SCN1A: variants seen among roughly 807,000 people sequenced by gnomAD.
SCN1A encodes the protein sodium channel protein type 1 subunit alpha.
In SCN1A, 13 loss-of-function variants were observed where a neutral mutation model predicts 193.7. The ratio of observed to expected loss-of-function variants is 0.07; its 90% CI spans 0.04 to 0.11. The LOEUF (loss-of-function observed/expected upper bound fraction) is 0.11, where lower values mean the gene tolerates loss of function less well. Ranked by LOEUF, SCN1A falls within the 10% of genes least tolerant of loss-of-function variation. The probability of loss-of-function intolerance (pLI) is 1.00; values close to 1 mark genes in which losing one functional copy is unlikely to be tolerated. For synonymous variants in SCN1A, 781 were observed against 843.6 expected (o/e 0.93, Z 1.29); for missense variants, 1,432 against 2,451.1 (o/e 0.58, Z 8.78).
At position 165,989,998 on chromosome 2, in the gene SCN1A, G is replaced by C. The variant is rs1688919977; in HGVS notation, c.*1247C>G. On this transcript the variant is annotated 3_prime_UTR_variant, in exon 29 of 29. Transcript: ENST00000674923. Reference sequence around the variant, plus strand: ...TTAATGACTTAAATAAATGAGATCTGTTGAACAATTTCCTTGACTTTACCA... The same window carrying C: ...TTAATGACTTAAATAAATGAGATCTCTTGAACAATTTCCTTGACTTTACCA... 6.6e-6 allele frequency: 1 copy of C among 152,496 alleles called. No individual in the cohort carries two copies. Among genetic ancestry groups the C allele is most frequent in the South Asian group, 2.1e-4 (1 of 4,828 alleles). The allele number at this position is 152,496 out of a possible 1,614,324, so 9.4% of individuals were successfully genotyped here.
chr2:166,072,837 CTTTTTTTTT>C (rs796420549), intron 4 of SCN1A, among the ~76,000 whole-genome samples: 9,719 of 119,146 alleles, frequency 0.082, 976 homozygotes, highest in African/African-American at 0.26. Context: ...TCTCTTCTTT[CTTTTTTTTT>C]TTTTTTTTTT....
At chr2:166,065,849 A>G (rs1683784920) in intron 4 of SCN1A, among the ~76,000 whole-genome samples, 1 of 152,178 alleles carries the variant, frequency 6.6e-6, no homozygotes, top group African/African-American at 2.4e-5. Flanking sequence ...TTCAAGAGGA[A>G]TCCTTAGATG....
At chr2:166,002,327 C>T in intron 24 of SCN1A, 145 bp downstream of exon 24, 1 of 805,634 alleles carries the variant, frequency 1.2e-6, no homozygotes, top group South Asian at 1.9e-5. Context: ...CCCATCTGGG[C>T]TCATAAACTT....
chr2:166,125,479 T>G (rs1691133618), intron 2 of SCN1A, among the ~76,000 whole-genome samples: 1 of 152,166 alleles, frequency 6.6e-6, no homozygotes, highest in South Asian at 2.1e-4. Context: ...AAATGCCTGG[T>G]TGGTGACGTC....
chr2:166,026,723 G>A (rs1379486024), intron 19 of SCN1A, among the ~76,000 whole-genome samples: 4 of 118,668 alleles, frequency 3.4e-5, no homozygotes, highest in Admixed American at 1.2e-4. Flanking sequence ...TTGCTCTGTC[G>A]CTCAGGCTGG....
chr2:166,009,652 T>G (rs1373365179), intron 23 of SCN1A, 67 bp downstream of exon 23: 17 of 1,495,160 alleles, frequency 1.1e-5, no homozygotes, highest in Non-Finnish European at 1.4e-5. Context: ...AGATTTTCCT[T>G]TTTCTAAATT....
chr2:166,015,840 A>G, intron 19 of SCN1A, 113 bp from the exon 20 acceptor site: 1 of 1,188,176 alleles, frequency 8.4e-7, no homozygotes, highest in Non-Finnish European at 1.2e-6. Context: ...AGGTAGAGAT[A>G]TTTTTAGAGA....
At chr2:166,106,870 C>T (rs1171776170) in intron 2 of SCN1A, among the ~76,000 whole-genome samples, 6 of 152,030 alleles carry the variant, frequency 3.9e-5, no homozygotes, top group East Asian at 3.9e-4. Flanking sequence ...CAAAGAGTAA[C>T]GTTATGCTCA....
downstream of SCN1A, chr2:165,984,881 A>G (rs1688510479): frequency 6.6e-6 from 1 of 152,168 alleles, no homozygotes; most frequent in South Asian, 2.1e-4. Flanking sequence ...GTTAACAGCT[A>G]GCATAACATT....
intron 2 of SCN1A, among the ~76,000 whole-genome samples, chr2:166,089,311 GT>G: frequency 6.6e-6 from 1 of 152,164 alleles, no homozygotes; most frequent in Middle Eastern, 3.4e-3. Flanking sequence ...TGTATGTTTA[GT>G]TTCCAAATGT....
At chr2:166,038,198 C>T (rs1203250482) in intron 17 of SCN1A, 66 bp from the exon 18 acceptor site, 5 of 1,217,912 alleles carry the variant, frequency 4.1e-6, no homozygotes, top group Non-Finnish European at 4.6e-6. Context: ...TTGAGCTTTA[C>T]CTAGAAATGG....
chr2:166,077,869 G>T (rs1184921306), intron 2 of SCN1A, 68 bp from the exon 3 acceptor site: 1 of 151,710 alleles, frequency 6.6e-6, no homozygotes, highest in Non-Finnish European at 1.5e-5. Flanking sequence ...CCAGACAATG[G>T]AATATTACTC....
intron 16 of SCN1A, 70 bp downstream of exon 16, chr2:166,041,161 A>C: frequency 1.8e-6 from 2 of 1,137,940 alleles, no homozygotes; most frequent in Non-Finnish European, 2.7e-6. Flanking sequence ...TGCTATACAC[A>C]ATTAAATGTA....
intron 10 of SCN1A, 112 bp from the exon 11 acceptor site, chr2:166,047,880 T>G: frequency 6.9e-7 from 1 of 1,449,342 alleles, no homozygotes; most frequent in East Asian, 2.3e-5. Flanking sequence ...AATAAAAGTT[T>G]GACAAATAAG....
At chr2:166,092,771 G>C (rs1686954218) in intron 2 of SCN1A, 1 of 152,116 alleles carries the variant, frequency 6.6e-6, no homozygotes, top group South Asian at 2.1e-4. Flanking sequence ...AAATTTGGTT[G>C]TAGTCCTTAA....
chr2:166,120,731 A>G (rs1690490042), intron 2 of SCN1A, among the ~76,000 whole-genome samples: 1 of 150,968 alleles, frequency 6.6e-6, no homozygotes, highest in African/African-American at 2.4e-5. Flanking sequence ...CTCCTGGCTC[A>G]GCCTCCTGAG....
chr2:166,021,441 C>T (rs1359128439), intron 19 of SCN1A, among the ~76,000 whole-genome samples: 1 of 151,910 alleles, frequency 6.6e-6, no homozygotes, highest in Non-Finnish European at 1.5e-5. Flanking sequence ...ACATGGGGAA[C>T]AACAAGAGTT....
At chr2:166,144,444 G>A (rs1032716785) in intron 1 of SCN1A, among the ~76,000 whole-genome samples, 25 of 151,914 alleles carry the variant, frequency 1.6e-4, no homozygotes, top group Non-Finnish European at 4.4e-5. Context: ...GTTTTTTGAG[G>A]GCACTAAGTG....
At chr2:166,084,892 A>C (rs1236063314) in intron 2 of SCN1A, among the ~76,000 whole-genome samples, 1 of 152,176 alleles carries the variant, frequency 6.6e-6, no homozygotes, top group Non-Finnish European at 1.5e-5. Flanking sequence ...AGGATTTCCA[A>C]AGCCTGGTCC....
Sources: gnomAD v4.1 joint callset for allele counts (sites outside exome capture counted in the v4.1 genomes callset) on GRCh38, gnomAD v4.1.1 for gene constraint, MANE v1.5 for transcripts, NCBI Gene and HGNC (gene_info 2026-07-23, HGNC 2026-07-21) for gene names.